Variants in CNTNAP5 observed in about 807,000 individuals in gnomAD.
CNTNAP5 encodes contactin associated protein family member 5.
CNTNAP5 carries 72 observed loss-of-function variants against 150.2 expected under a neutral mutation model. The ratio of observed to expected loss-of-function variants is 0.48; its 90% confidence interval spans 0.40 to 0.58. The LOEUF (loss-of-function observed/expected upper bound fraction) is 0.58, where lower values mean the gene tolerates loss of function less well. Among genes scored for constraint, CNTNAP5 ranks in the 20% least tolerant of loss-of-function variants. CNTNAP5 has a pLI of 0.00. For missense variants in CNTNAP5, 1,636 were observed against 1,626.2 expected (o/e 1.01, Z -0.10); for synonymous variants, 672 against 619.8 (o/e 1.08, Z -1.25).
intron 13 of CNTNAP5, among the ~76,000 whole-genome samples, chr2:124,694,791 C>A (rs1291002970): frequency 6.6e-6 from 1 of 152,072 alleles, no homozygotes; most frequent in African/African-American, 2.4e-5. Context: ...CAAATCCTGG[C>A]ATTCATAGTC....
chr2:124,189,991 T>G (rs1177706106), intron 1 of CNTNAP5, among the ~76,000 whole-genome samples: 2 of 152,196 alleles, frequency 1.3e-5, no homozygotes, highest in Admixed American at 1.3e-4. Flanking sequence ...GTATGTTTGC[T>G]TCTGTAAAAT....
In CNTNAP5 at chr2:124,899,474, T is replaced by C. The variant is rs1469843042; in HGVS notation, c.3437-3408T>C. Reference sequence around the variant, plus strand: ...TTATTTTGATGATATTTAAAATGTATTGAGTGACAGAAACTAAGTCAATTT... The same window carrying C: ...TTATTTTGATGATATTTAAAATGTACTGAGTGACAGAAACTAAGTCAATTT... On this transcript the variant is annotated intron_variant, in intron 21 of 23. Coordinates refer to ENST00000682447, the MANE Select transcript of CNTNAP5 (RefSeq NM_001367498.1). Among the ~76,000 whole-genome samples, 6 of 151,662 alleles carry C rather than the reference T, an allele frequency of 4.0e-5. No homozygotes were observed. In the East Asian group the frequency reaches 1.2e-3, roughly 29 times the overall value.
intron 3 of CNTNAP5, among the ~76,000 whole-genome samples, chr2:124,259,824 TC>T (rs1687407112): frequency 6.6e-6 from 1 of 152,142 alleles, no homozygotes. Context: ...GTGAAGGACC[TC>T]TTCAAGGAGA....
At chr2:124,263,437 TAA>T (rs1407742217) in intron 3 of CNTNAP5, among the ~76,000 whole-genome samples, 1 of 152,226 alleles carries the variant, frequency 6.6e-6, no homozygotes, top group Non-Finnish European at 1.5e-5. Context: ...TTTGGCTGCA[TAA>T]AGACGTCTTC....
intron 3 of CNTNAP5, among the ~76,000 whole-genome samples, chr2:124,317,805 C>T (rs1326795247): frequency 3.3e-5 from 5 of 152,120 alleles, no homozygotes; most frequent in East Asian, 3.9e-4. Context: ...ACCATACACA[C>T]GTAGGTGCAC....
intron 3 of CNTNAP5, among the ~76,000 whole-genome samples, chr2:124,319,399 G>A (rs901459775): frequency 1.3e-5 from 2 of 152,152 alleles, no homozygotes; most frequent in Non-Finnish European, 2.9e-5. Flanking sequence ...TTTTGTATCA[G>A]GATTCTGCCT....
chr2:124,401,854 G>A (rs963320100), intron 3 of CNTNAP5, among the ~76,000 whole-genome samples: 2 of 152,178 alleles, frequency 1.3e-5, no homozygotes, highest in African/African-American at 4.8e-5. Context: ...CGGGAAGCTG[G>A]GCTTTTCTGC....
chr2:124,389,567 T>C (rs968141123), intron 3 of CNTNAP5, among the ~76,000 whole-genome samples: 13 of 152,254 alleles, frequency 8.5e-5, no homozygotes, highest in African/African-American at 3.1e-4. Flanking sequence ...GTGGAGATTC[T>C]GGTCTCAATT....
intron 3 of CNTNAP5, among the ~76,000 whole-genome samples, chr2:124,312,730 C>A (rs1312505657): frequency 1.3e-5 from 2 of 152,178 alleles, no homozygotes; most frequent in Admixed American, 6.5e-5. Flanking sequence ...GCCACAGCAC[C>A]CGGCTAATTT....
chr2:124,237,461 TA>T (rs1260497742), intron 2 of CNTNAP5, among the ~76,000 whole-genome samples: 1 of 152,172 alleles, frequency 6.6e-6, no homozygotes, highest in Non-Finnish European at 1.5e-5. Context: ...GGATTAGCAA[TA>T]AGTGTCTTGG....
At chr2:124,634,398 C>T (rs569986727) in intron 12 of CNTNAP5, among the ~76,000 whole-genome samples, 1 of 152,184 alleles carries the variant, frequency 6.6e-6, no homozygotes, top group African/African-American at 2.4e-5. Flanking sequence ...GGGCACAATG[C>T]TACCATGTTC....
At chr2:124,394,931 A>G (rs1691208223) in intron 3 of CNTNAP5, among the ~76,000 whole-genome samples, 1 of 152,180 alleles carries the variant, frequency 6.6e-6, no homozygotes. Context: ...TTTACAAACT[A>G]TATATATTTA....
At chr2:124,295,879 C>T (rs1157414184) in intron 3 of CNTNAP5, among the ~76,000 whole-genome samples, 1 of 152,132 alleles carries the variant, frequency 6.6e-6, no homozygotes, top group South Asian at 2.1e-4. Flanking sequence ...GATTTTCACT[C>T]AACCTTTTTC....
intron 1 of CNTNAP5, among the ~76,000 whole-genome samples, chr2:124,107,215 T>G (rs1199255774): frequency 1.3e-5 from 2 of 152,102 alleles, no homozygotes; most frequent in Non-Finnish European, 2.9e-5. Context: ...GGGCTGGCAG[T>G]GAGGAAGAAA....
At chr2:124,231,455 T>C (rs749196) in intron 2 of CNTNAP5, among the ~76,000 whole-genome samples, 119,045 of 152,062 alleles carry the variant, frequency 0.78, 46,824 homozygotes, top group East Asian at 1. Flanking sequence ...TCTGTCTACT[T>C]CACATTAATC....
intron 13 of CNTNAP5, among the ~76,000 whole-genome samples, chr2:124,720,819 T>C (rs1030367189): frequency 2.0e-5 from 3 of 152,230 alleles, no homozygotes; most frequent in Admixed American, 6.5e-5. Flanking sequence ...AGCTATGAAA[T>C]GGAGTGCTAC....
chr2:124,819,493 A>G (rs1682439602), intron 19 of CNTNAP5, among the ~76,000 whole-genome samples: 1 of 152,258 alleles, frequency 6.6e-6, no homozygotes, highest in South Asian at 2.1e-4. Flanking sequence ...ATTTTCTTAT[A>G]AAAAATGAGT....
At chr2:124,282,457 G>A (rs1469687917) in intron 3 of CNTNAP5, among the ~76,000 whole-genome samples, 1 of 152,176 alleles carries the variant, frequency 6.6e-6, no homozygotes, top group East Asian at 1.9e-4. Context: ...ATGCCAGAGA[G>A]TGTTCACAGC....
intron 1 of CNTNAP5, among the ~76,000 whole-genome samples, chr2:124,115,562 A>G (rs1683406674): frequency 6.6e-6 from 1 of 152,084 alleles, no homozygotes; most frequent in Non-Finnish European, 1.5e-5. Flanking sequence ...CTGAAGTCAG[A>G]TAGACCTGGG....
Sources: allele counts gnomAD v4.1 joint callset (sites outside exome capture counted in the v4.1 genomes callset), GRCh38; gene constraint gnomAD v4.1.1; transcripts MANE v1.5; gene names NCBI Gene and HGNC (gene_info 2026-07-23, HGNC 2026-07-21).